ITGB1: variants seen among roughly 807,000 people sequenced by gnomAD.
ITGB1 encodes integrin subunit beta 1, also known as integrin beta-1.
In ITGB1, 24 loss-of-function variants were observed where a neutral mutation model predicts 86.5. That is an observed-to-expected ratio of 0.28 (90% CI 0.20 to 0.39). The LOEUF (loss-of-function observed/expected upper bound fraction) is 0.39. Among genes scored for constraint, ITGB1 ranks in the 10% least tolerant of loss-of-function variants. ITGB1 has a pLI of 1.00. For missense variants in ITGB1, 556 were observed against 946.9 expected (o/e 0.59, Z 5.42); for synonymous variants, 323 against 316.8 (o/e 1.02, Z -0.21).
At chr10:32,940,878 C>T (rs1244539636) in intron 1 of ITGB1, among the ~76,000 whole-genome samples, 2 of 152,214 alleles carry the variant, frequency 1.3e-5, no homozygotes, top group East Asian at 1.9e-4. Flanking sequence ...CTACTGGTTT[C>T]CCCCTGCCTT....
At chr10:32,912,239 G>C in intron 11 of ITGB1, 115 bp from the exon 12 acceptor site, 1 of 793,852 alleles carries the variant, frequency 1.3e-6, no homozygotes, top group Non-Finnish European at 2.0e-6. Context: ...CGACACAGAA[G>C]ACAGGTGGTT....
In ITGB1 at chr10:32,903,169, C is replaced by T. The variant is rs146629176; in HGVS notation, c.2332-1534G>A. 9.6e-3 allele frequency among the ~76,000 whole-genome samples: 1,457 copies of T among 151,304 alleles called. 25 individuals are homozygous for T. Among genetic ancestry groups the T allele is most frequent in the African/African-American group, 0.027 (1,112 of 41,258 alleles). ...GAGTTTGAGATCAGCCTGGCCAACACGGTAAAACCCCGTCTCTACTAAAAA... is the reference window on the plus strand; with the variant it reads ...GAGTTTGAGATCAGCCTGGCCAACATGGTAAAACCCCGTCTCTACTAAAAA... On this transcript the variant is annotated intron_variant, in intron 15 of 15. Coordinates refer to ENST00000302278, the MANE Select transcript of ITGB1 (RefSeq NM_002211.4).
At chr10:32,946,853 C>CT (rs201958296) in intron 1 of ITGB1, among the ~76,000 whole-genome samples, 51,013 of 138,464 alleles carry the variant, frequency 0.37, 10,464 homozygotes, top group Non-Finnish European at 0.49. Flanking sequence ...GTAAAGACTT[C>CT]TTTTTTTTTT....
intron 8 of ITGB1, 34 bp from the exon 9 acceptor site, chr10:32,922,380 C>T (rs1231332918): frequency 9.3e-6 from 13 of 1,396,126 alleles, no homozygotes; most frequent in Non-Finnish European, 1.2e-5. Context: ...TAAAATACAA[C>T]TGCTATTCAT....
Position 32,935,574 on chromosome 10 carries a change from T to G in ITGB1, c.1-16A>C. 6.4e-7 allele frequency: 1 copy of G among 1,558,158 alleles called. No individual in the cohort carries two copies. The highest frequency in any genetic ancestry group is 8.9e-7 in the Non-Finnish European group (1 of 1,129,500). Reference sequence around the variant, plus strand: ...GTAAATTCATCTGAAATGTAAAATGTGCCTTATATTAGTTATAAAGAAATA... The same window carrying G: ...GTAAATTCATCTGAAATGTAAAATGGGCCTTATATTAGTTATAAAGAAATA... On this transcript the variant is annotated splice_polypyrimidine_tract_variant and intron_variant, in intron 1 of 15. Transcript: ENST00000302278.
chr10:32,941,242 A>G (rs915669724), intron 1 of ITGB1, among the ~76,000 whole-genome samples: 4 of 152,310 alleles, frequency 2.6e-5, no homozygotes, highest in African/African-American at 9.6e-5. Context: ...AAGCATATGC[A>G]TTTGGGCAGC....
At chr10:32,954,463 AT>A (rs2137272042) in intron 1 of ITGB1, among the ~76,000 whole-genome samples, 2 of 152,294 alleles carry the variant, frequency 1.3e-5, no homozygotes, top group East Asian at 3.9e-4. Flanking sequence ...ACTCACCTTT[AT>A]CAGCAAAAAA....
chr10:32,907,206 T>C (rs560657508), intron 15 of ITGB1: 4 of 604,488 alleles, frequency 6.6e-6, no homozygotes, highest in East Asian at 5.6e-5. Flanking sequence ...TTATAGTGTT[T>C]GAACACTATA....
intron 11 of ITGB1, among the ~76,000 whole-genome samples, chr10:32,913,863 G>C (rs188421897): frequency 1.3e-5 from 2 of 152,282 alleles, no homozygotes; most frequent in African/African-American, 4.8e-5. Flanking sequence ...ACACATGATT[G>C]TCAGATTCAC....
At chr10:32,955,256 T>C (rs2095050152) in intron 1 of ITGB1, among the ~76,000 whole-genome samples, 1 of 152,180 alleles carries the variant, frequency 6.6e-6, no homozygotes, top group Non-Finnish European at 1.5e-5. Flanking sequence ...ACACTGCTAA[T>C]ACAATACAGG....
At position 32,922,727 on chromosome 10, in the gene ITGB1, A is replaced by G; in HGVS notation, c.951T>C (p.Pro317=). 6.4e-7 allele frequency: 1 copy of G among 1,571,842 alleles called. No homozygotes were observed. Among genetic ancestry groups the G allele is most frequent in the Non-Finnish European group, 8.7e-7 (1 of 1,146,350 alleles). ...GTTTCTGGACAAGGTGAGCAATAGAAGGATAATCCTAAGAAATCAAGTAAT... is the reference window on the plus strand; with the variant it reads ...GTTTCTGGACAAGGTGAGCAATAGAGGGATAATCCTAAGAAATCAAGTAAT... ...MYTMSHYYDY[P]SIAHLVQKLS... Residue 317 remains proline (P), a synonymous_variant, in exon 8 of 16, where the codon CCT becomes CCC. Transcript: ENST00000302278.
intron 1 of ITGB1, among the ~76,000 whole-genome samples, chr10:32,938,505 A>G (rs1047016689): frequency 6.6e-6 from 1 of 152,264 alleles, no homozygotes; most frequent in Non-Finnish European, 1.5e-5. Flanking sequence ...GATTCCTAAC[A>G]TTCGGAGCCA....
chr10:32,927,802 A>G (rs1365070948), intron 5 of ITGB1, among the ~76,000 whole-genome samples: 1 of 152,234 alleles, frequency 6.6e-6, no homozygotes, highest in Non-Finnish European at 1.5e-5. Flanking sequence ...AAAATAAAAT[A>G]AAGTAAGTCA....
At chr10:32,903,270 T>C (rs1314455280) in intron 15 of ITGB1, among the ~76,000 whole-genome samples, 1 of 138,664 alleles carries the variant, frequency 7.2e-6, no homozygotes, top group Non-Finnish European at 1.5e-5. Flanking sequence ...GGGAATCACT[T>C]GAACCCGGGA....
intron 14 of ITGB1, among the ~76,000 whole-genome samples, chr10:32,908,922 G>T (rs2094904927): frequency 6.6e-6 from 1 of 152,118 alleles, no homozygotes; most frequent in Non-Finnish European, 1.5e-5. Context: ...TCCATGTGCA[G>T]GAGTTACAAA....
intron 1 of ITGB1, among the ~76,000 whole-genome samples, chr10:32,941,517 C>T (rs1271131126): frequency 1.3e-5 from 2 of 152,230 alleles, no homozygotes; most frequent in Non-Finnish European, 2.9e-5. Flanking sequence ...GGAAGAGCTA[C>T]GTTACAGAGA....
At chr10:32,903,351 C>CAAAA (rs35559257) in intron 15 of ITGB1, among the ~76,000 whole-genome samples, 16,598 of 56,794 alleles carry the variant, frequency 0.29, 2,803 homozygotes, top group Non-Finnish European at 0.41. Flanking sequence ...GACTCCATCT[C>CAAAA]AAAAAAAAAA....
intron 1 of ITGB1, among the ~76,000 whole-genome samples, chr10:32,956,467 G>C (rs1387791575): frequency 6.6e-6 from 1 of 151,914 alleles, no homozygotes; most frequent in East Asian, 1.9e-4. Flanking sequence ...CAGCACTTTG[G>C]GAGCTCGGTG....
At position 32,923,566 on chromosome 10, in the gene ITGB1, T is replaced by C. The variant is rs1156832962; in HGVS notation, c.942+19A>G. On this transcript the variant is annotated intron_variant, in intron 7 of 15. Transcript: ENST00000302278. ...ATCCAACATAAACACATTCACTATG[T>C]AAGGAACCAGGCACTTACATAATAA... The C allele has an allele frequency of 2.5e-6, 4 of 1,598,146 alleles. No individual in the cohort carries two copies. Among genetic ancestry groups the C allele is most frequent in the East Asian group, 4.5e-5 (2 of 44,594 alleles).
Sources: gnomAD v4.1 joint callset for allele counts (sites outside exome capture counted in the v4.1 genomes callset) on GRCh38, gnomAD v4.1.1 for gene constraint, MANE v1.5 for transcripts, NCBI Gene and HGNC (gene_info 2026-07-23, HGNC 2026-07-21) for gene names.